The following NRG3 variants were observed in gnomAD, a reference collection of about 807,000 sequenced individuals.
NRG3 encodes neuregulin 3, also known as pro-neuregulin-3, membrane-bound isoform.
A neutral mutation model predicts 66.9 loss-of-function variants in NRG3; 31 were observed. The ratio of observed to expected loss-of-function variants is 0.46; its 90% CI spans 0.35 to 0.63. The LOEUF (loss-of-function observed/expected upper bound fraction) is 0.63, where lower values mean the gene tolerates loss of function less well. Ranked by LOEUF, NRG3 falls within the 20% of genes least tolerant of loss-of-function variation. The pLI, the probability that NRG3 is intolerant of heterozygous loss-of-function variation, is 0.00. For synonymous variants in NRG3, 393 were observed against 359.4 expected, an observed-to-expected ratio of 1.09 and a Z score of -1.06; for missense variants, 910 against 878.9, an observed-to-expected ratio of 1.04 and a Z score of -0.45.
At chr10:82,124,809 GCTTT>G (rs1322588387) in intron 1 of NRG3, among the ~76,000 whole-genome samples, 1 of 151,388 alleles carries the variant, frequency 6.6e-6, no homozygotes, top group Non-Finnish European at 1.5e-5. Context: ...ATAATCTGTT[GCTTT>G]CTTTCAGCCT....
chr10:81,979,519 C>T (rs967575171), intron 1 of NRG3, among the ~76,000 whole-genome samples: 13 of 152,110 alleles, frequency 8.5e-5, no homozygotes, highest in Non-Finnish European at 1.3e-4. Context: ...ACCTAGTTTT[C>T]TTTTTGTTTA....
At chr10:82,135,083 A>C (rs908302929) in intron 1 of NRG3, among the ~76,000 whole-genome samples, 1 of 151,478 alleles carries the variant, frequency 6.6e-6, no homozygotes, top group African/African-American at 2.4e-5. Context: ...CCGAGATCAC[A>C]CAACTGCACT....
At chr10:82,725,008 C>T (rs1406437177) in intron 2 of NRG3, among the ~76,000 whole-genome samples, 1 of 152,090 alleles carries the variant, frequency 6.6e-6, no homozygotes, top group East Asian at 1.9e-4. Context: ...CAGAGCTTTC[C>T]AAAAAGGACA....
At chr10:82,937,239 A>G (rs1848165596) in intron 4 of NRG3, among the ~76,000 whole-genome samples, 2 of 152,226 alleles carry the variant, frequency 1.3e-5, no homozygotes, top group Admixed American at 6.5e-5. Flanking sequence ...ATTATATTTT[A>G]TTAACACTGG....
chr10:82,179,136 T>C (rs2073240743), intron 1 of NRG3, among the ~76,000 whole-genome samples: 1 of 151,990 alleles, frequency 6.6e-6, no homozygotes, highest in African/African-American at 2.4e-5. Flanking sequence ...AAAAATTATA[T>C]TTTAAGTGTT....
chr10:82,030,064 A>G (rs2062492639), intron 1 of NRG3, among the ~76,000 whole-genome samples: 1 of 152,134 alleles, frequency 6.6e-6, no homozygotes, highest in Non-Finnish European at 1.5e-5. Flanking sequence ...TTACAGTTAC[A>G]TTAATTGCTC....
chr10:82,892,543 G>A (rs1843250053), intron 4 of NRG3, among the ~76,000 whole-genome samples: 1 of 152,040 alleles, frequency 6.6e-6, no homozygotes, highest in Admixed American at 6.6e-5. Context: ...GCACAGGCCT[G>A]TGGTACTAGA....
chr10:82,320,206 T>C (rs756059699), intron 1 of NRG3, among the ~76,000 whole-genome samples: 1 of 152,214 alleles, frequency 6.6e-6, no homozygotes, highest in Non-Finnish European at 1.5e-5. Context: ...TGTGCCAATA[T>C]GTTTACTGTA....
At chr10:82,052,628 A>G (rs10786842) in intron 1 of NRG3, among the ~76,000 whole-genome samples, 133,787 of 152,152 alleles carry the variant, frequency 0.88, 59,524 homozygotes, top group Middle Eastern at 0.98. Context: ...TCAGGTGAGA[A>G]GAGTTAAAGT....
intron 2 of NRG3, among the ~76,000 whole-genome samples, chr10:82,737,470 G>A (rs1212835932): frequency 4.6e-5 from 7 of 152,110 alleles, no homozygotes; most frequent in African/African-American, 1.4e-4. Context: ...TTGACAGAAC[G>A]GCCTCTTTGA....
chr10:82,834,107 C>A (rs893837345), intron 3 of NRG3, among the ~76,000 whole-genome samples: 18 of 152,152 alleles, frequency 1.2e-4, no homozygotes, highest in Admixed American at 5.9e-4. Context: ...ATTATTATTG[C>A]AGCATTCTAT....
chr10:82,982,333 C>T (rs765193519), intron 8 of NRG3, among the ~76,000 whole-genome samples: 124 of 152,238 alleles, frequency 8.1e-4, no homozygotes, highest in African/African-American at 2.7e-3. Flanking sequence ...AAGAATGCTT[C>T]GACTCACATA....
chr10:82,083,991 G>A (rs1486157597), intron 1 of NRG3, among the ~76,000 whole-genome samples: 2 of 151,834 alleles, frequency 1.3e-5, no homozygotes, highest in South Asian at 2.1e-4. Context: ...ACTTCGGGAG[G>A]CTGAGGCGGG....
At chr10:82,963,972 G>A (rs1157240403) in intron 6 of NRG3, among the ~76,000 whole-genome samples, 1 of 152,204 alleles carries the variant, frequency 6.6e-6, no homozygotes, top group Non-Finnish European at 1.5e-5. Flanking sequence ...TTTGCAGGGA[G>A]TAGGTCAGAA....
intron 1 of NRG3, among the ~76,000 whole-genome samples, chr10:81,891,670 T>C (rs1451716874): frequency 2.6e-5 from 4 of 152,178 alleles, no homozygotes; most frequent in East Asian, 1.9e-4. Context: ...AATAAGATAA[T>C]TGGGATAGTG....
At chr10:82,091,357 T>C (rs1014630522) in intron 1 of NRG3, among the ~76,000 whole-genome samples, 4 of 152,182 alleles carry the variant, frequency 2.6e-5, no homozygotes, top group African/African-American at 9.7e-5. Flanking sequence ...GTAACCTCTA[T>C]TGTACTTTCT....
chr10:82,008,824 G>T (rs1369609733), intron 1 of NRG3, among the ~76,000 whole-genome samples: 1 of 152,146 alleles, frequency 6.6e-6, no homozygotes, highest in East Asian at 1.9e-4. Context: ...CAATATTGGC[G>T]GTGGGCATTT....
chr10:82,346,519 A>C (rs1442624546), intron 1 of NRG3, among the ~76,000 whole-genome samples: 2 of 151,780 alleles, frequency 1.3e-5, no homozygotes, highest in Non-Finnish European at 2.9e-5. Flanking sequence ...TATTGGTCTA[A>C]AATTCTCTTT....
intron 1 of NRG3, among the ~76,000 whole-genome samples, chr10:82,220,257 A>G (rs886807346): frequency 2.0e-5 from 3 of 152,006 alleles, no homozygotes; most frequent in African/African-American, 7.2e-5. Flanking sequence ...CTCAGAACAA[A>G]TAGACAAATA....
Sources: gnomAD v4.1 joint callset for allele counts (sites outside exome capture counted in the v4.1 genomes callset) on GRCh38, gnomAD v4.1.1 for gene constraint, MANE v1.5 for transcripts, NCBI Gene and HGNC (gene_info 2026-07-23, HGNC 2026-07-21) for gene names.